The following SKIC3 variants were observed in gnomAD, a reference collection of about 807,000 sequenced individuals.
SKIC3 encodes the protein superkiller complex protein 3.
chr5:95,504,104 G>A, the SKIC3 span, among the ~76,000 whole-genome samples: 1 of 137,664 alleles, frequency 7.3e-6, no homozygotes, highest in Non-Finnish European at 1.6e-5. Context: ...GGGGGTGGGG[G>A]GAGGGGGTGG....
At chr5:95,485,429 G>T in the SKIC3 span, among the ~76,000 whole-genome samples, 1 of 152,130 alleles carries the variant, frequency 6.6e-6, no homozygotes, top group Admixed American at 6.5e-5. Context: ...TGCTAATATG[G>T]CAAATTACCT....
At chr5:95,526,620 C>A in the SKIC3 span, among the ~76,000 whole-genome samples, 2 of 152,050 alleles carry the variant, frequency 1.3e-5, no homozygotes, top group East Asian at 3.9e-4. Flanking sequence ...ATTACAGGTG[C>A]ATACCACCAA....
the SKIC3 span, among the ~76,000 whole-genome samples, chr5:95,535,307 ATTTTTTTTTT>A: frequency 1.1e-5 from 1 of 91,800 alleles, no homozygotes; most frequent in South Asian, 3.6e-4. Context: ...GGTAACAGCA[ATTTTTTTTTT>A]TTTTTTTTTT....
chr5:95,490,939 G>A, the SKIC3 span: 7 of 1,613,990 alleles, frequency 4.3e-6, no homozygotes, highest in Middle Eastern at 1.6e-4. Context: ...ACAGTGCCAA[G>A]TATAAATCTA....
the SKIC3 span, among the ~76,000 whole-genome samples, chr5:95,554,729 G>C: frequency 6.6e-6 from 1 of 151,692 alleles, no homozygotes; most frequent in African/African-American, 2.4e-5. Context: ...GGTCCACCCA[G>C]AGGCCCCACA....
the SKIC3 span, among the ~76,000 whole-genome samples, chr5:95,474,115 CT>C: frequency 6.6e-6 from 1 of 152,178 alleles, no homozygotes; most frequent in Admixed American, 6.5e-5. Flanking sequence ...TAATTTCATT[CT>C]TCTGCAAATG....
At chr5:95,553,553 G>GT in the SKIC3 span, among the ~76,000 whole-genome samples, 71 of 151,108 alleles carry the variant, frequency 4.7e-4, no homozygotes, top group African/African-American at 1.7e-3. Flanking sequence ...TTGTTTAGGG[G>GT]TTTTTTTGTT....
chr5:95,498,440 T>A, the SKIC3 span: 1 of 1,614,198 alleles, frequency 6.2e-7, no homozygotes, highest in East Asian at 2.2e-5. Flanking sequence ...ATCGCTGATG[T>A]AAGAAGGCAC....
the SKIC3 span, chr5:95,530,105 A>G: frequency 6.2e-7 from 1 of 1,613,358 alleles, no homozygotes; most frequent in Non-Finnish European, 8.5e-7. Context: ...TTAGGTTCCT[A>G]ACAGCATCTT....
the SKIC3 span, among the ~76,000 whole-genome samples, chr5:95,495,730 G>C: frequency 1.3e-5 from 2 of 152,098 alleles, no homozygotes; most frequent in African/African-American, 4.8e-5. Context: ...CATCTGCAGC[G>C]TCCACACTCT....
At chr5:95,468,027 A>G in the SKIC3 span, 1 of 1,609,754 alleles carries the variant, frequency 6.2e-7, no homozygotes, top group African/African-American at 1.3e-5. Context: ...CAAAGCATGC[A>G]AATTACCATA....
At chr5:95,502,968 G>C in the SKIC3 span, 717 of 1,613,916 alleles carry the variant, frequency 4.4e-4, no homozygotes, top group Non-Finnish European at 5.7e-4. Context: ...GCTTTGTCTT[G>C]CTCCGATTCA....
chr5:95,540,870 G>A, the SKIC3 span: 3 of 1,603,122 alleles, frequency 1.9e-6, no homozygotes, highest in Non-Finnish European at 2.6e-6. Flanking sequence ...TGTCCAAAAT[G>A]TAAAAATGCC....
At chr5:95,503,771 C>A in the SKIC3 span, 2 of 1,611,178 alleles carry the variant, frequency 1.2e-6, no homozygotes, top group Middle Eastern at 3.3e-4. Context: ...CATGATTAAA[C>A]TCGACTCTAA....
the SKIC3 span, chr5:95,536,999 G>C: frequency 6.2e-7 from 1 of 1,601,434 alleles, no homozygotes; most frequent in Non-Finnish European, 8.6e-7. Flanking sequence ...TTCCTAATTA[G>C]AAATACATAC....
At chr5:95,517,117 G>T in the SKIC3 span, 1 of 1,613,450 alleles carries the variant, frequency 6.2e-7, no homozygotes, top group Non-Finnish European at 8.5e-7. Context: ...CAATTCAAAT[G>T]TTATTAACTG....
the SKIC3 span, chr5:95,523,615 G>A: frequency 2.5e-6 from 4 of 1,602,082 alleles, 1 homozygote; most frequent in South Asian, 4.5e-5. Flanking sequence ...ATATACTCAG[G>A]ATAAAAAAAA....
the SKIC3 span, among the ~76,000 whole-genome samples, chr5:95,471,788 G>A: frequency 6.6e-6 from 1 of 152,130 alleles, no homozygotes; most frequent in Non-Finnish European, 1.5e-5. Flanking sequence ...AGGGTTGACA[G>A]ATATTTAAAG....
chr5:95,515,593 T>C, the SKIC3 span, among the ~76,000 whole-genome samples: 1 of 152,176 alleles, frequency 6.6e-6, no homozygotes, highest in East Asian at 1.9e-4. Context: ...ACCACATCCA[T>C]AGCTTATTAA....
Sources: allele counts gnomAD v4.1 joint callset (sites outside exome capture counted in the v4.1 genomes callset), GRCh38; gene constraint gnomAD v4.1.1; transcripts MANE v1.5; gene names NCBI Gene and HGNC (gene_info 2026-07-23, HGNC 2026-07-21).